ADGRB3: variants seen among roughly 807,000 people sequenced by gnomAD.
ADGRB3 encodes brain-specific angiogenesis inhibitor 3.
A neutral mutation model predicts 193.4 loss-of-function variants in ADGRB3; 37 were observed. The ratio of observed to expected loss-of-function variants is 0.19; its 90% CI spans 0.15 to 0.25. The LOEUF (loss-of-function observed/expected upper bound fraction) is 0.25, where lower values mean the gene tolerates loss of function less well. ADGRB3 is among the 10% of genes least tolerant of loss of function. The pLI, the probability that ADGRB3 is intolerant of heterozygous loss-of-function variation, is 1.00. For synonymous variants in ADGRB3, 690 were observed against 644.2 expected (o/e 1.07, Z -1.08); for missense variants, 1,637 against 1,852.9 (o/e 0.88, Z 2.14).
intron 30 of ADGRB3, 70 bp downstream of exon 30, chr6:69,372,511 A>G: frequency 1.3e-6 from 1 of 791,870 alleles, no homozygotes. Context: ...TTACTTAAAA[A>G]TTATTACTCT....
chr6:68,838,122 C>T (rs1432794097), intron 3 of ADGRB3, among the ~76,000 whole-genome samples: 1 of 152,184 alleles, frequency 6.6e-6, no homozygotes, highest in Non-Finnish European at 1.5e-5. Flanking sequence ...ACTCTGCCAA[C>T]TGCTACCAGG....
intron 6 of ADGRB3, among the ~76,000 whole-genome samples, chr6:68,946,217 G>C: frequency 6.6e-6 from 1 of 151,908 alleles, no homozygotes; most frequent in East Asian, 1.9e-4. Context: ...TCCAGGCTGT[G>C]CCAAAAAAAT....
At chr6:69,158,511 T>G (rs1249246283) in intron 17 of ADGRB3, among the ~76,000 whole-genome samples, 1 of 151,846 alleles carries the variant, frequency 6.6e-6, no homozygotes, top group African/African-American at 2.4e-5. Flanking sequence ...TTACTCTAAT[T>G]GAAAGACATT....
intron 3 of ADGRB3, among the ~76,000 whole-genome samples, chr6:68,865,920 G>A (rs1196170001): frequency 2.6e-5 from 4 of 152,096 alleles, no homozygotes; most frequent in Admixed American, 2.0e-4. Context: ...CGTCTTACCA[G>A]TAACAAAATT....
intron 17 of ADGRB3, among the ~76,000 whole-genome samples, chr6:69,195,447 C>T (rs1282983966): frequency 6.6e-6 from 1 of 150,950 alleles, no homozygotes; most frequent in Non-Finnish European, 1.5e-5. Context: ...ATCACTTGGG[C>T]CCAGGAGTTG....
chr6:68,818,190 G>A (rs1181643750), intron 3 of ADGRB3, among the ~76,000 whole-genome samples: 2 of 151,996 alleles, frequency 1.3e-5, no homozygotes, highest in Non-Finnish European at 2.9e-5. Flanking sequence ...TTCTATGTGC[G>A]CACCGCCTTC....
At chr6:68,673,879 G>A (rs1420715491) in intron 3 of ADGRB3, among the ~76,000 whole-genome samples, 1 of 151,860 alleles carries the variant, frequency 6.6e-6, no homozygotes, top group African/African-American at 2.4e-5. Flanking sequence ...GAGGGAATAG[G>A]GACTATTTAC....
At chr6:68,823,075 A>C (rs2127380899) in intron 3 of ADGRB3, among the ~76,000 whole-genome samples, 1 of 152,168 alleles carries the variant, frequency 6.6e-6, no homozygotes, top group South Asian at 2.1e-4. Context: ...AAAATTTTGT[A>C]CATTCACACT....
chr6:68,753,564 C>T (rs1465591404), intron 3 of ADGRB3, among the ~76,000 whole-genome samples: 4 of 151,920 alleles, frequency 2.6e-5, no homozygotes, highest in South Asian at 2.1e-4. Context: ...AAACTAGGGG[C>T]GGTCAGGGGA....
At chr6:68,851,280 G>A (rs1353642267) in intron 3 of ADGRB3, among the ~76,000 whole-genome samples, 6 of 151,354 alleles carry the variant, frequency 4.0e-5, no homozygotes, top group Non-Finnish European at 8.9e-5. Flanking sequence ...TGCCTCTCTA[G>A]CTGTCTTTCT....
At chr6:69,094,715 T>C (rs1278746121) in intron 17 of ADGRB3, among the ~76,000 whole-genome samples, 2 of 152,190 alleles carry the variant, frequency 1.3e-5, no homozygotes, top group African/African-American at 4.8e-5. Context: ...GGTTTTAAAC[T>C]TGAACAATTT....
At chr6:68,767,404 A>G (rs1380933029) in intron 3 of ADGRB3, among the ~76,000 whole-genome samples, 1 of 152,182 alleles carries the variant, frequency 6.6e-6, no homozygotes, top group Non-Finnish European at 1.5e-5. Context: ...ATCATTAAAC[A>G]TAATCCGTAA....
chr6:69,316,920 A>G (rs1422389338), intron 20 of ADGRB3, among the ~76,000 whole-genome samples: 1 of 151,528 alleles, frequency 6.6e-6, no homozygotes, highest in African/African-American at 2.4e-5. Flanking sequence ...TCGTAGGCTA[A>G]GAGAGTGAAT....
chr6:68,675,558 G>C (rs1410925559), intron 3 of ADGRB3, among the ~76,000 whole-genome samples: 2 of 152,108 alleles, frequency 1.3e-5, no homozygotes, highest in Non-Finnish European at 2.9e-5. Context: ...ATATATGATT[G>C]AAAGAGCAAG....
intron 20 of ADGRB3, among the ~76,000 whole-genome samples, chr6:69,258,913 G>A (rs1321346515): frequency 6.6e-5 from 10 of 152,152 alleles, no homozygotes; most frequent in Non-Finnish European, 1.5e-4. Flanking sequence ...CCTGCCACTG[G>A]AGACTGCAAC....
intron 26 of ADGRB3, among the ~76,000 whole-genome samples, chr6:69,343,120 G>A (rs776053257): frequency 1.3e-5 from 2 of 149,530 alleles, no homozygotes; most frequent in Non-Finnish European, 1.5e-5. Flanking sequence ...AATGTGTTGT[G>A]TATGGAGCCT....
chr6:68,659,029 T>C (rs1281453190), intron 3 of ADGRB3, among the ~76,000 whole-genome samples: 1 of 151,188 alleles, frequency 6.6e-6, no homozygotes, highest in Non-Finnish European at 1.5e-5. Context: ...AATATTTTAT[T>C]TAATTTTTGT....
At chr6:68,668,380 G>T (rs1189501653) in intron 3 of ADGRB3, among the ~76,000 whole-genome samples, 1 of 151,908 alleles carries the variant, frequency 6.6e-6, no homozygotes, top group Non-Finnish European at 1.5e-5. Context: ...GACAGCACAG[G>T]AATTCATATT....
At chr6:69,097,287 C>T (rs1405293276) in intron 17 of ADGRB3, among the ~76,000 whole-genome samples, 3 of 152,078 alleles carry the variant, frequency 2.0e-5, no homozygotes, top group Admixed American at 6.5e-5. Context: ...CAATGAATGG[C>T]AATATTACTA....
Sources: allele counts gnomAD v4.1 joint callset (sites outside exome capture counted in the v4.1 genomes callset), GRCh38; gene constraint gnomAD v4.1.1; transcripts MANE v1.5; gene names NCBI Gene and HGNC (gene_info 2026-07-23, HGNC 2026-07-21).